The following LHPP variants were observed in gnomAD, a reference collection of about 807,000 sequenced individuals.
LHPP encodes phospholysine phosphohistidine inorganic pyrophosphate phosphatase, also known as hLHPP.
A neutral mutation model predicts 30.3 loss-of-function variants in LHPP; 24 were observed. The ratio of observed to expected loss-of-function variants is 0.79; its 90% CI spans 0.57 to 1.11. The LOEUF (loss-of-function observed/expected upper bound fraction) is 1.11, where lower values mean the gene tolerates loss of function less well. Ranked by LOEUF, LHPP falls within the 50% of genes most tolerant of loss-of-function variation. The probability of loss-of-function intolerance (pLI) is 0.00; values close to 1 mark genes in which losing one functional copy is unlikely to be tolerated. For missense variants in LHPP, 356 were observed against 367.2 expected (o/e 0.97, Z 0.25); for synonymous variants, 150 against 157.1 (o/e 0.95, Z 0.34).
intron 1 of LHPP, among the ~76,000 whole-genome samples, chr10:124,473,296 C>T (rs533944274): frequency 6.6e-6 from 1 of 152,302 alleles, no homozygotes; most frequent in East Asian, 1.9e-4. Context: ...AGGGTGATTT[C>T]CCAGGCCCCC....
At chr10:124,610,213 T>G (rs541768623) in intron 6 of LHPP, among the ~76,000 whole-genome samples, 5 of 152,368 alleles carry the variant, frequency 3.3e-5, no homozygotes, top group African/African-American at 9.6e-5. Flanking sequence ...GTAGACACCC[T>G]GTGTGGCATC....
At chr10:124,558,978 A>G (rs1948348350) in intron 6 of LHPP, among the ~76,000 whole-genome samples, 1 of 152,260 alleles carries the variant, frequency 6.6e-6, no homozygotes, top group African/African-American at 2.4e-5. Context: ...AAGGAGTTAT[A>G]AGACACAGCT....
chr10:124,566,676 G>A (rs1013933806), intron 6 of LHPP, among the ~76,000 whole-genome samples: 1 of 152,136 alleles, frequency 6.6e-6, no homozygotes, highest in Non-Finnish European at 1.5e-5. Context: ...TTTTGTGCAG[G>A]ACTGATGGAT....
chr10:124,508,193 C>G (rs1954207949), intron 5 of LHPP, among the ~76,000 whole-genome samples: 1 of 152,076 alleles, frequency 6.6e-6, no homozygotes, highest in Non-Finnish European at 1.5e-5. Flanking sequence ...CTGTGGCCTC[C>G]CTCCCCCATG....
In LHPP at chr10:124,562,482, C is replaced by T. The variant is rs375793001; in HGVS notation, c.716+45211C>T. On this transcript the variant is annotated intron_variant, in intron 6 of 6. Transcript: ENST00000368842. Reference sequence around the variant, plus strand: ...TTGAAGGCAGGAAAATAGAGATGACCCAATCAGAACAGAGAAAAAATAGAC... The same window carrying T: ...TTGAAGGCAGGAAAATAGAGATGACTCAATCAGAACAGAGAAAAAATAGAC... 6.6e-5 allele frequency among the ~76,000 whole-genome samples: 10 copies of T among 151,860 alleles called. No homozygotes were observed. In the South Asian group the frequency reaches 2.1e-3, roughly 32 times the overall value.
At chr10:124,507,139 T>A (rs1163133874) in intron 5 of LHPP, among the ~76,000 whole-genome samples, 5 of 44,528 alleles carry the variant, frequency 1.1e-4, no homozygotes, top group Non-Finnish European at 1.8e-4. Context: ...GGTCGGGGGG[T>A]TAGAGAGGAT....
chr10:124,480,691 CTATCTT>C lies in LHPP; in HGVS notation c.126-3444_126-3439del, dbSNP rs145389390. ...TTAACTGCCTAATTTAAAAATAAAA[CTATCTT>C]TATGAAGGGCAATTAACCACTAAGT... On this transcript the variant is annotated intron_variant, in intron 1 of 6. Coordinates refer to ENST00000368842, the MANE Select transcript of LHPP (RefSeq NM_022126.4). 2.2e-3 allele frequency among the ~76,000 whole-genome samples: 332 copies of C among 152,318 alleles called. 3 individuals carry two copies. Among genetic ancestry groups the C allele is most frequent in the African/African-American group, 7.3e-3 (304 of 41,560 alleles).
At chr10:124,488,352 GT>G in intron 2 of LHPP, 69 bp from the exon 3 acceptor site, 1 of 1,407,096 alleles carries the variant, frequency 7.1e-7, no homozygotes, top group Non-Finnish European at 9.9e-7. Context: ...GGTGTCCCTG[GT>G]AGGAGATGGG....
intron 6 of LHPP, among the ~76,000 whole-genome samples, chr10:124,548,067 G>A (rs1370913611): frequency 6.6e-6 from 1 of 152,198 alleles, no homozygotes; most frequent in Admixed American, 6.5e-5. Flanking sequence ...TTTGTCTCTA[G>A]GGGAGTTCCT....
intron 6 of LHPP, among the ~76,000 whole-genome samples, chr10:124,589,731 G>A (rs898443840): frequency 2.6e-5 from 4 of 152,324 alleles, no homozygotes; most frequent in South Asian, 2.1e-4. Context: ...GTCTATCCCC[G>A]GACGGACCCG....
intron 6 of LHPP, among the ~76,000 whole-genome samples, chr10:124,568,714 A>G (rs1051440393): frequency 6.6e-6 from 1 of 152,154 alleles, no homozygotes; most frequent in Non-Finnish European, 1.5e-5. Flanking sequence ...TCTTCATCCT[A>G]GACCTGTGAG....
Position 124,517,265 on chromosome 10 carries a change from A to G in LHPP, c.710A>G (p.Lys237Arg), listed in dbSNP as rs1279365906. Residue 237 changes from lysine to arginine, a missense_variant, in exon 6 of 7, where the codon AAG (lysine) becomes AGG (arginine). By Grantham distance (26) the Lys-to-Arg change is conservative. Transcript: ENST00000368842. The surrounding 1 kb of genome is among the most constrained non-coding windows in gnomAD (Gnocchi z 4.1). The part of the protein sequence containing the change: ...GMRALQVRTG[K>R]FRPSDEHHPE... ...AGAGCGCTGCAGGTGCGCACCGGGA[A>G]GTTCAGGTCAGTGCCAGCTGGAGTC... 6.3e-7 allele frequency: 1 copy of G among 1,589,248 alleles called. No individual in the cohort carries two copies. The highest frequency in any genetic ancestry group is 8.6e-7 in the Non-Finnish European group (1 of 1,167,534).
rs367605710 is a variant in LHPP, at chr10:124,575,536, CTG to C, written c.717-37725_717-37724del. 2.1e-3 allele frequency among the ~76,000 whole-genome samples: 316 copies of C among 152,288 alleles called. 1 individual carries two copies. Among genetic ancestry groups the C allele is most frequent in the African/African-American group, 7.1e-3 (295 of 41,548 alleles). On this transcript the variant is annotated intron_variant, in intron 6 of 6. Transcript: ENST00000368842. ...GCCCCTGATTTTCCATGACAGTCCC[CTG>C]TGCCCATGTCCTGCAGCCTCTCCTG...
At chr10:124,484,083 C>A (rs1953236082) in intron 1 of LHPP, 56 bp from the exon 2 acceptor site, 12 of 1,556,892 alleles carry the variant, frequency 7.7e-6, no homozygotes, top group Non-Finnish European at 1.1e-5. Flanking sequence ...CAACCTCCTT[C>A]AGAGGCCCAA....
At chr10:124,578,312 C>T (rs978050209) in intron 6 of LHPP, among the ~76,000 whole-genome samples, 5 of 152,220 alleles carry the variant, frequency 3.3e-5, no homozygotes, top group East Asian at 1.9e-4. Flanking sequence ...ACCTCAGGGG[C>T]GGCTCTGCGA....
chr10:124,520,219 A>T (rs1954576496), intron 6 of LHPP, among the ~76,000 whole-genome samples: 1 of 151,656 alleles, frequency 6.6e-6, no homozygotes, highest in South Asian at 2.1e-4. Flanking sequence ...GGTTTATTGT[A>T]CAGATTATTT....
At chr10:124,484,049 G>C in intron 1 of LHPP, 90 bp from the exon 2 acceptor site, 1 of 1,265,852 alleles carries the variant, frequency 7.9e-7, no homozygotes, top group Non-Finnish European at 1.1e-6. Flanking sequence ...GGGCTTTGCT[G>C]GATGCCCTTC....
intron 1 of LHPP, among the ~76,000 whole-genome samples, chr10:124,474,366 C>T (rs193262214): frequency 2.0e-5 from 3 of 152,028 alleles, no homozygotes; most frequent in Admixed American, 2.0e-4. Context: ...TCTTGAACTC[C>T]AGAGCTCAAC....
At position 124,483,325 on chromosome 10, in the gene LHPP, G is replaced by A. The variant is rs900877932; in HGVS notation, c.126-814G>A. ...AGTATGGATCCAGAGTTAGTAAGGC[G>A]TGGACGTGTGCAGCTCACTTGCAAG... On this transcript the variant is annotated intron_variant, in intron 1 of 6. Transcript: ENST00000368842. 1.1e-4 allele frequency among the ~76,000 whole-genome samples: 16 copies of A among 152,182 alleles called. No homozygotes were observed. The East Asian group carries it at 2.5e-3, about 24-fold the overall frequency.
Sources: gnomAD v4.1 joint callset for allele counts (sites outside exome capture counted in the v4.1 genomes callset) on GRCh38, gnomAD v4.1.1 for gene constraint, Gnocchi (gnomAD v3.1) non-coding constraint, MANE v1.5 for transcripts, NCBI Gene and HGNC (gene_info 2026-07-23, HGNC 2026-07-21) for gene names.